Variants in LCLAT1 observed in about 807,000 individuals in gnomAD.
The protein encoded by LCLAT1 is lysocardiolipin acyltransferase 1, also known as 1-AGP acyltransferase 8.
Under a neutral mutation model 30.7 loss-of-function variants are expected in LCLAT1, and 11 were observed. The ratio of observed to expected loss-of-function variants is 0.36; its 90% CI spans 0.23 to 0.59. The LOEUF (loss-of-function observed/expected upper bound fraction) is 0.59, where lower values mean the gene tolerates loss of function less well. LCLAT1 is among the 20% of genes least tolerant of loss of function. The pLI is 0.77. For missense variants in LCLAT1, 402 were observed against 458.6 expected (o/e 0.88, Z 1.13); for synonymous variants, 155 against 151.3 (o/e 1.02, Z -0.18).
At chr2:30,491,431 C>T (rs1683827810) in intron 1 of LCLAT1, among the ~76,000 whole-genome samples, 1 of 152,144 alleles carries the variant, frequency 6.6e-6, no homozygotes, top group African/African-American at 2.4e-5. Context: ...GCTTTTAAGG[C>T]TGCATTGTTA....
chr2:30,458,069 C>G (rs958098027), intron 1 of LCLAT1, among the ~76,000 whole-genome samples: 17 of 151,330 alleles, frequency 1.1e-4, no homozygotes, highest in African/African-American at 4.1e-4. Flanking sequence ...GGCAACTTTT[C>G]ACTTGGTTGT....
At chr2:30,566,875 G>T (rs1572634579) in intron 4 of LCLAT1, among the ~76,000 whole-genome samples, 1 of 152,180 alleles carries the variant, frequency 6.6e-6, no homozygotes, top group African/African-American at 2.4e-5. Flanking sequence ...ACATGTACTT[G>T]ACTCCGTAAC....
intron 5 of LCLAT1, among the ~76,000 whole-genome samples, chr2:30,569,172 C>T (rs1665657336): frequency 2.0e-5 from 3 of 152,080 alleles, no homozygotes; most frequent in Non-Finnish European, 4.4e-5. Flanking sequence ...ATTTGTGGCT[C>T]ATATCACACT....
chr2:30,569,597 A>G (rs1665680261), intron 5 of LCLAT1, among the ~76,000 whole-genome samples: 1 of 66,958 alleles, frequency 1.5e-5, no homozygotes, highest in East Asian at 6.8e-4. Context: ...ACCATTATGT[A>G]AGAAAAGGTA....
chr2:30,556,437 T>G (rs1021464593), intron 3 of LCLAT1, among the ~76,000 whole-genome samples: 1 of 149,876 alleles, frequency 6.7e-6, no homozygotes, highest in Non-Finnish European at 1.5e-5. Flanking sequence ...AGACAGAAAA[T>G]GGGAGAAAAA....
chr2:30,617,337 C>T (rs971626326), intron 5 of LCLAT1, among the ~76,000 whole-genome samples: 14 of 152,138 alleles, frequency 9.2e-5, no homozygotes, highest in African/African-American at 3.4e-4. Flanking sequence ...TGTTAAGTTT[C>T]ATCCATATTG....
At chr2:30,497,337 T>C (rs1684166986) in intron 1 of LCLAT1, among the ~76,000 whole-genome samples, 1 of 152,202 alleles carries the variant, frequency 6.6e-6, no homozygotes, top group African/African-American at 2.4e-5. Context: ...TAGCTTAACT[T>C]TATAAATATT....
chr2:30,598,690 G>T lies in LCLAT1; in HGVS notation c.628+30514G>T, dbSNP rs373593109. ...TGATCTTGGCTATTTCTTGTCTTCT[G>T]CTAGCTTTGGAGTGTGTTTGCTCTT... On this transcript the variant is annotated intron_variant, in intron 5 of 5. Transcript: ENST00000379509. 4.6e-5 allele frequency among the ~76,000 whole-genome samples: 7 copies of T among 152,080 alleles called. No individual in the cohort carries two copies. The East Asian group carries it at 9.7e-4, about 21-fold the overall frequency.
At chr2:30,460,133 A>G (rs1191011785) in intron 1 of LCLAT1, among the ~76,000 whole-genome samples, 1 of 152,172 alleles carries the variant, frequency 6.6e-6, no homozygotes, top group African/African-American at 2.4e-5. Context: ...ACCATTAGCT[A>G]GTATCCTCCT....
At chr2:30,500,479 A>G (rs1225863389) in intron 1 of LCLAT1, among the ~76,000 whole-genome samples, 2 of 152,248 alleles carry the variant, frequency 1.3e-5, no homozygotes, top group African/African-American at 4.8e-5. Flanking sequence ...TGTTTCCAGT[A>G]GAAGACTATC....
intron 5 of LCLAT1, among the ~76,000 whole-genome samples, chr2:30,583,315 T>A (rs755897862): frequency 2.0e-5 from 3 of 152,232 alleles, no homozygotes; most frequent in Non-Finnish European, 2.9e-5. Context: ...CAAATTTCAT[T>A]TCTGTAAACT....
At chr2:30,591,357 C>T (rs997521896) in intron 5 of LCLAT1, among the ~76,000 whole-genome samples, 1 of 152,030 alleles carries the variant, frequency 6.6e-6, no homozygotes, top group East Asian at 1.9e-4. Context: ...AGTAGTGTTC[C>T]ATACATCACC....
intron 1 of LCLAT1, among the ~76,000 whole-genome samples, chr2:30,507,138 A>G (rs1325783159): frequency 6.6e-6 from 1 of 152,104 alleles, no homozygotes; most frequent in Non-Finnish European, 1.5e-5. Context: ...AATTTTATGT[A>G]TTTGATTTTG....
rs537748603 is a variant in LCLAT1, at chr2:30,535,371, G to A, written c.364+2057G>A. 4.6e-5 allele frequency among the ~76,000 whole-genome samples: 7 copies of A among 152,280 alleles called. No homozygotes were observed. In the South Asian group the frequency reaches 1.0e-3, roughly 23 times the overall value. ...ATTAAGAGTAGAATGACATGCACCT[G>A]GGGCTTGCTGGCAATTCTGTCCCTT... On this transcript the variant is annotated intron_variant, in intron 3 of 5. Transcript: ENST00000379509.
intron 1 of LCLAT1, among the ~76,000 whole-genome samples, chr2:30,453,408 G>A (rs968277101): frequency 2.0e-5 from 3 of 152,146 alleles, no homozygotes; most frequent in African/African-American, 7.2e-5. Context: ...AGGCAGCCTT[G>A]GCTGTGGCTT....
chr2:30,514,612 G>A (rs1481031465), intron 1 of LCLAT1, among the ~76,000 whole-genome samples: 1 of 152,176 alleles, frequency 6.6e-6, no homozygotes, highest in African/African-American at 2.4e-5. Context: ...TAGAATTTCT[G>A]TGTTAGTAGA....
At chr2:30,505,707 A>G (rs76710746) in intron 1 of LCLAT1, among the ~76,000 whole-genome samples, 1 of 152,104 alleles carries the variant, frequency 6.6e-6, no homozygotes. Context: ...ACACCTCCCA[A>G]GGATAACCAT....
At chr2:30,630,924 C>T (rs1668737434) in intron 5 of LCLAT1, among the ~76,000 whole-genome samples, 1 of 152,130 alleles carries the variant, frequency 6.6e-6, no homozygotes, top group South Asian at 2.1e-4. Context: ...AAATAGAACA[C>T]TCAAAAGAAA....
intron 5 of LCLAT1, among the ~76,000 whole-genome samples, chr2:30,612,976 A>G (rs529361817): frequency 6.6e-6 from 1 of 152,276 alleles, no homozygotes; most frequent in Admixed American, 6.5e-5. Flanking sequence ...TTACAGAGAA[A>G]ATAAATCAAG....
Sources: allele counts gnomAD v4.1 joint callset (sites outside exome capture counted in the v4.1 genomes callset), GRCh38; gene constraint gnomAD v4.1.1; transcripts MANE v1.5; gene names NCBI Gene and HGNC (gene_info 2026-07-23, HGNC 2026-07-21).